Variants in LATS2 observed in about 807,000 individuals in gnomAD.
LATS2 encodes large tumor suppressor kinase 2, also known as serine/threonine-protein kinase LATS2.
Under a neutral mutation model 76.0 loss-of-function variants are expected in LATS2, and 24 were observed. That is an observed-to-expected ratio of 0.32 (90% CI 0.23 to 0.44). The LOEUF (loss-of-function observed/expected upper bound fraction) is 0.44. LATS2 is among the 20% of genes least tolerant of loss of function. The pLI, the probability that LATS2 is intolerant of heterozygous loss-of-function variation, is 1.00. For synonymous variants in LATS2, 692 were observed against 635.4 expected (o/e 1.09, Z -1.34); for missense variants, 1,286 against 1,481.2 (o/e 0.87, Z 2.16).
At position 20,988,457 on chromosome 13, in the gene LATS2, C is replaced by T. The variant is rs1302907236; in HGVS notation, c.1323G>A (p.Leu441=). 2 of 1,510,806 alleles carry T rather than the reference C, an allele frequency of 1.3e-6. No homozygotes were observed. The highest frequency in any genetic ancestry group is 2.5e-5 in the East Asian group (1 of 39,674). 93.6% of individuals were successfully genotyped at this position (1,510,806 alleles called of 1,614,324 possible). The part of the protein sequence containing the change: ...TVTAVTAAHI[L]HPVKSVRVLR... ...GCACACGCACGCTCTTCACCGGGTG[C>T]AAGATGTGCGCGGCCGTGACAGCCG... Residue 441 remains leucine (L), a synonymous_variant, in exon 4 of 8, where the codon TTG becomes TTA. Coordinates refer to ENST00000382592, the MANE Select transcript of LATS2 (RefSeq NM_014572.3).
At chr13:21,027,566 A>G (rs1024411322) in intron 2 of LATS2, among the ~76,000 whole-genome samples, 2 of 152,046 alleles carry the variant, frequency 1.3e-5, no homozygotes, top group Non-Finnish European at 2.9e-5. Context: ...CTATTTTTGT[A>G]CTCTGTTCCA....
chr13:21,007,687 A>G (rs185196564), intron 2 of LATS2, among the ~76,000 whole-genome samples: 85 of 548 alleles, frequency 0.16, 23 homozygotes, highest in South Asian at 0.7. Flanking sequence ...TATATAGTAT[A>G]TATATATATA....
chr13:21,033,101 T>C (rs545273282), intron 2 of LATS2, among the ~76,000 whole-genome samples: 2 of 151,302 alleles, frequency 1.3e-5, no homozygotes, highest in South Asian at 4.2e-4. Flanking sequence ...AGCAGGGTGT[T>C]AGCAGCAAAG....
intron 2 of LATS2, among the ~76,000 whole-genome samples, chr13:21,014,093 G>A (rs1345545418): frequency 6.6e-6 from 1 of 151,118 alleles, no homozygotes; most frequent in African/African-American, 2.4e-5. Flanking sequence ...AAGGAAGGGA[G>A]GGAGATTAAA....
At chr13:21,012,206 T>TA (rs113803345) in intron 2 of LATS2, among the ~76,000 whole-genome samples, 1 of 151,858 alleles carries the variant, frequency 6.6e-6, no homozygotes, top group East Asian at 1.9e-4. Context: ...TATAAAAGAT[T>TA]AAAAAAAATG....
intron 5 of LATS2, among the ~76,000 whole-genome samples, chr13:20,981,906 G>A (rs1252483538): frequency 6.6e-6 from 1 of 152,152 alleles, no homozygotes; most frequent in Non-Finnish European, 1.5e-5. Context: ...ACCATGCACC[G>A]TGCTGAGCTG....
chr13:21,059,267 A>C (rs998743709), intron 1 of LATS2, among the ~76,000 whole-genome samples: 2 of 152,244 alleles, frequency 1.3e-5, no homozygotes, highest in African/African-American at 4.8e-5. Context: ...ATGGCTTAGT[A>C]GTTAAGGTGA....
intron 2 of LATS2, among the ~76,000 whole-genome samples, chr13:21,011,309 G>A (rs1173569014): frequency 6.6e-6 from 1 of 152,166 alleles, no homozygotes. Context: ...GTTGGGATCC[G>A]CAGGTCCCCT....
At chr13:21,045,379 C>T (rs1372178522) in intron 2 of LATS2, among the ~76,000 whole-genome samples, 4 of 152,084 alleles carry the variant, frequency 2.6e-5, no homozygotes, top group African/African-American at 4.8e-5. Context: ...GGGCTAAGCA[C>T]GAAAGCCCTT....
intron 2 of LATS2, among the ~76,000 whole-genome samples, chr13:21,017,621 CTTTCT>C (rs1371424486): frequency 1.1e-4 from 6 of 55,326 alleles, no homozygotes; most frequent in South Asian, 1.3e-3. Context: ...TGACTCATTT[CTTTCT>C]TTTTTTTTTT....
intron 6 of LATS2, among the ~76,000 whole-genome samples, chr13:20,981,113 C>T (rs973866780): frequency 6.6e-6 from 1 of 152,184 alleles, no homozygotes; most frequent in African/African-American, 2.4e-5. Flanking sequence ...AAAGCTAGAG[C>T]CCGGAAATGT....
At position 20,988,855 on chromosome 13, in the gene LATS2, C is replaced by A. The variant is rs749559845; in HGVS notation, c.925G>T (p.Ala309Ser). The A allele has an allele frequency of 1.9e-6, 3 of 1,587,300 alleles. No individual in the cohort carries two copies. The highest frequency in any genetic ancestry group is 2.6e-6 in the Non-Finnish European group (3 of 1,172,970). ...GAGLAFPPPA[A>S]GLYVPHPHHK... ...TGTGGGTGCGGCACGTAGAGCCCGG[C>A]GGCAGGGGGTGGGAAAGCGAGGCCG... Residue 309 changes from alanine (A) to serine (S), a missense_variant, in exon 4 of 8, where the codon GCC becomes TCC. Ala to Ser is a moderately conservative substitution (Grantham distance 99). Around this residue, in one of 5 missense-constraint regions of LATS2, gnomAD observed 710 missense variants for 660.9 expected, o/e 1.07. Transcript: ENST00000382592.
intron 5 of LATS2, 39 bp downstream of exon 5, chr13:20,983,185 T>C: frequency 7.0e-7 from 1 of 1,430,636 alleles, no homozygotes; most frequent in Non-Finnish European, 9.7e-7. Flanking sequence ...TAGTGACATC[T>C]ACACATAGAA....
chr13:20,977,622 A>ATAAT (rs60821736), intron 7 of LATS2, among the ~76,000 whole-genome samples: 14,079 of 135,902 alleles, frequency 0.1, 1,850 homozygotes, highest in East Asian at 0.5. Flanking sequence ...TAATTATTAA[A>ATAAT]TAAATGGTAA....
intron 2 of LATS2, among the ~76,000 whole-genome samples, chr13:21,023,427 T>A (rs1181172265): frequency 1.3e-5 from 2 of 151,746 alleles, no homozygotes; most frequent in Admixed American, 6.6e-5. Context: ...AAAAAACTTG[T>A]AAGACACCGT....
chr13:21,017,364 G>T (rs1871842945), intron 2 of LATS2, among the ~76,000 whole-genome samples: 1 of 151,956 alleles, frequency 6.6e-6, no homozygotes, highest in Admixed American at 6.6e-5. Flanking sequence ...TTGTAGAAAT[G>T]GGGTCTTGCT....
rs566837140 is a variant in LATS2, at chr13:21,037,717, C to A, written c.342+7968G>T. 2.6e-5 allele frequency among the ~76,000 whole-genome samples: 4 copies of A among 152,190 alleles called. No homozygotes were observed. The South Asian group carries it at 8.3e-4, about 32-fold the overall frequency. The stretch of plus-strand genomic sequence containing the variant: ...AAAAGGCTTTTCTGAATCACAGACC[C>A]AAAGATGAGCCCTGAGGGAGAAGTG... On this transcript the variant is annotated intron_variant, in intron 2 of 7. Transcript: ENST00000382592.
chr13:21,018,923 G>A (rs1871920000), intron 2 of LATS2, among the ~76,000 whole-genome samples: 1 of 152,122 alleles, frequency 6.6e-6, no homozygotes. Flanking sequence ...TGGGATTACA[G>A]GTGTGAGCCA....
chr13:20,973,780 G>A lies in LATS2; in HGVS notation c.*1090C>T, dbSNP rs1456289205. On this transcript the variant is annotated 3_prime_UTR_variant, in exon 8 of 8. Coordinates refer to ENST00000382592, the MANE Select transcript of LATS2 (RefSeq NM_014572.3). Reference sequence around the variant, plus strand: ...CTAAGAACATTCACTGAAGCTTTCAGTGTGGGCAGTCTGTCAGTAAAAAGG... The same window carrying A: ...CTAAGAACATTCACTGAAGCTTTCAATGTGGGCAGTCTGTCAGTAAAAAGG... 1 of 229,932 alleles carries A rather than the reference G, an allele frequency of 4.3e-6. No individual in the cohort carries two copies. The highest frequency in any genetic ancestry group is 8.6e-6 in the Non-Finnish European group (1 of 115,886). 14.2% of individuals were successfully genotyped at this position (229,932 alleles called of 1,614,324 possible).
Sources: gnomAD v4.1 joint callset for allele counts (sites outside exome capture counted in the v4.1 genomes callset) on GRCh38, gnomAD v4.1.1 for gene constraint, gnomAD v4.1.1 regional missense constraint, MANE v1.5 for transcripts, NCBI Gene and HGNC (gene_info 2026-07-23, HGNC 2026-07-21) for gene names.